The following TBC1D30 variants were observed in gnomAD, a reference collection of about 807,000 sequenced individuals.
TBC1D30 encodes TBC1 domain family, member 30.
Under a neutral mutation model 63.2 loss-of-function variants are expected in TBC1D30, and 31 were observed. That is an observed-to-expected ratio of 0.49 (90% CI 0.37 to 0.66). The LOEUF is 0.66. TBC1D30 is among the 30% of genes least tolerant of loss of function. The pLI is 0.00. For synonymous variants in TBC1D30, 307 were observed against 361.5 expected (o/e 0.85, Z 1.71); for missense variants, 810 against 953.6 (o/e 0.85, Z 1.98).
At chr12:64,763,824 C>G (rs1051297058) in intron 1 of TBC1D30, among the ~76,000 whole-genome samples, 1 of 151,984 alleles carries the variant, frequency 6.6e-6, no homozygotes, top group African/African-American at 2.4e-5. Flanking sequence ...GGTCTGGTCT[C>G]GAACTCCTGA....
intron 1 of TBC1D30, among the ~76,000 whole-genome samples, chr12:64,764,346 T>A (rs527404866): frequency 6.6e-6 from 1 of 152,238 alleles, no homozygotes; most frequent in South Asian, 2.1e-4. Context: ...AATTCAGCTA[T>A]TAGTTGAAAA....
chr12:64,761,166 T>C (rs1213256371), intron 1 of TBC1D30, among the ~76,000 whole-genome samples: 2 of 152,250 alleles, frequency 1.3e-5, no homozygotes, highest in Non-Finnish European at 2.9e-5. Context: ...TCCTTCTGTA[T>C]TCAGGTTTCA....
At position 64,865,102 on chromosome 12, in the gene TBC1D30, G is replaced by A. The variant is rs17100734; in HGVS notation, c.1151+322G>A. Among the ~76,000 whole-genome samples the A allele has an allele frequency of 9.5e-3, 1,445 of 151,732 alleles. 18 individuals carry two copies. The highest frequency in any genetic ancestry group is 0.015 in the Admixed American group (231 of 15,192). On this transcript the variant is annotated intron_variant, in intron 9 of 11. Coordinates refer to ENST00000539867, the MANE Select transcript of TBC1D30 (RefSeq NM_015279.2). ...ACACAGATGAGCTAATTTAAAAACTGTGAAGACCAAAAATTGACAATTGAT... is the reference window on the plus strand; with the variant it reads ...ACACAGATGAGCTAATTTAAAAACTATGAAGACCAAAAATTGACAATTGAT...
At chr12:64,874,640 A>T (rs948706730) in intron 11 of TBC1D30, among the ~76,000 whole-genome samples, 63 of 151,962 alleles carry the variant, frequency 4.1e-4, no homozygotes, top group Middle Eastern at 3.4e-3. Flanking sequence ...TATTTTTTTT[A>T]AATCTGCAAA....
At chr12:64,772,461 A>G (rs1169259124) in intron 1 of TBC1D30, among the ~76,000 whole-genome samples, 2 of 151,554 alleles carry the variant, frequency 1.3e-5, no homozygotes, top group Admixed American at 1.3e-4. Context: ...ACAGAGTCTC[A>G]CTCTGTCGCC....
intron 2 of TBC1D30, among the ~76,000 whole-genome samples, chr12:64,794,392 G>T (rs568052911): frequency 1.3e-5 from 2 of 151,762 alleles, no homozygotes; most frequent in South Asian, 4.2e-4. Flanking sequence ...TCCTCTTTCT[G>T]GGGTTCTATT....
At position 64,824,987 on chromosome 12, in the gene TBC1D30, C is replaced by G. The variant is rs1874180335; in HGVS notation, c.108C>G (p.Ser36Arg). 6.5e-7 allele frequency: 1 copy of G among 1,534,428 alleles called. No homozygotes were observed. The highest frequency in any genetic ancestry group is 8.7e-7 in the Non-Finnish European group (1 of 1,146,516). Residue 36 changes from serine to arginine, a missense_variant, in exon 1 of 12, where the codon AGC becomes AGG. Ser to Arg is a moderately radical substitution (Grantham distance 110). This residue lies in a region of TBC1D30 where 272 missense variants were observed against 335.9 expected (regional missense o/e 0.81). Coordinates refer to ENST00000539867, the MANE Select transcript of TBC1D30 (RefSeq NM_015279.2). ...TGAGCAATGTGCTCAAGAAGCGCAG[C>G]TGCATTTCCCGGACCGCGCCCCGGC... ...TILSNVLKKRSCISRTAPRLL... is the reference protein window; with the variant it reads ...TILSNVLKKRRCISRTAPRLL...
At chr12:64,842,720 C>T (rs996933103) in intron 7 of TBC1D30, among the ~76,000 whole-genome samples, 1 of 152,130 alleles carries the variant, frequency 6.6e-6, no homozygotes, top group Non-Finnish European at 1.5e-5. Context: ...CCAACAGAGT[C>T]CCTTAAAGGA....
chr12:64,762,803 C>G (rs1022740472), intron 1 of TBC1D30, among the ~76,000 whole-genome samples: 1 of 151,736 alleles, frequency 6.6e-6, no homozygotes, highest in Non-Finnish European at 1.5e-5. Context: ...TTAGTTTTTT[C>G]TCTAGTGTGT....
chr12:64,811,815 G>C (rs1682676238), intron 2 of TBC1D30, among the ~76,000 whole-genome samples: 1 of 152,148 alleles, frequency 6.6e-6, no homozygotes, highest in African/African-American at 2.4e-5. Context: ...AAGAGTTTTT[G>C]GAAATGATGG....
rs538593538 is a variant in TBC1D30 at position 64,848,387 on chromosome 12, C to T, written c.1038+4902C>T. ...TTTGTGGCCCCCATCAACCTGTCAT[C>T]GATGTTAGGTATTTCTCCTAATGCT... On this transcript the variant is annotated intron_variant, in intron 8 of 11. Coordinates refer to ENST00000539867, the MANE Select transcript of TBC1D30 (RefSeq NM_015279.2). Among the ~76,000 whole-genome samples, 16 of 151,876 alleles carry T rather than the reference C, an allele frequency of 1.1e-4. 1 individual carries two copies. Among genetic ancestry groups the T allele is most frequent in the African/African-American group, 2.9e-4 (12 of 41,434 alleles).
intron 2 of TBC1D30, among the ~76,000 whole-genome samples, chr12:64,796,363 A>G (rs1201270485): frequency 2.0e-5 from 3 of 152,124 alleles, no homozygotes; most frequent in Admixed American, 1.3e-4. Flanking sequence ...TTAGTGACTC[A>G]GGAGTTTTTT....
rs1014798927 is a variant in TBC1D30, at chr12:64,876,077, A to G, written c.*289A>G. ...CATTGTGAGCTGTTTAAAAAAGACT[A>G]TATCTAGATTGTTAACTCTCGTCCA... On this transcript the variant is annotated 3_prime_UTR_variant, in exon 12 of 12. Coordinates refer to ENST00000539867, the MANE Select transcript of TBC1D30 (RefSeq NM_015279.2). The G allele has an allele frequency of 3.0e-5, 10 of 333,214 alleles. No individual in the cohort carries two copies. Among genetic ancestry groups the G allele is most frequent in the South Asian group, 1.1e-4 (2 of 17,856 alleles). 20.6% of individuals were successfully genotyped at this position (333,214 alleles called of 1,614,324 possible).
chr12:64,850,640 G>A (rs904940057), intron 8 of TBC1D30, among the ~76,000 whole-genome samples: 2 of 152,118 alleles, frequency 1.3e-5, no homozygotes, highest in African/African-American at 4.8e-5. Context: ...GACTGTGGTG[G>A]GTAAGCTTTT....
chr12:64,803,225 A>G (rs1423978617), intron 2 of TBC1D30, among the ~76,000 whole-genome samples: 5 of 152,098 alleles, frequency 3.3e-5, no homozygotes, highest in Non-Finnish European at 7.3e-5. Flanking sequence ...TGTGGTTTTG[A>G]CTTGCATTTC....
intron 1 of TBC1D30, among the ~76,000 whole-genome samples, chr12:64,767,042 CAT>C (rs995985531): frequency 6.6e-6 from 1 of 151,956 alleles, no homozygotes; most frequent in Non-Finnish European, 1.5e-5. Flanking sequence ...ATACAACTAA[CAT>C]AGAGCTTGAA....
chr12:64,842,638 T>C (rs1320836221), intron 7 of TBC1D30, among the ~76,000 whole-genome samples: 1 of 152,248 alleles, frequency 6.6e-6, no homozygotes, highest in Non-Finnish European at 1.5e-5. Flanking sequence ...CTTGTAATTG[T>C]CATCTTTTAT....
Position 64,804,869 on chromosome 12 carries a change from G to A in TBC1D30, c.643+18824G>A, listed in dbSNP as rs967758548. Among the ~76,000 whole-genome samples the A allele has an allele frequency of 7.9e-5, 12 of 152,242 alleles. No homozygotes were observed. The Middle Eastern group carries it at 0.01, about 129-fold the overall frequency. On this transcript the variant is annotated intron_variant, in intron 2 of 12. Transcript: ENST00000542120. ...CTGTGATGTGGGGAGGTTTGTAGTC[G>A]TCAGGTGTTGGATGATGATTCTAAG...
At chr12:64,786,892 G>A (rs1332719429) in intron 2 of TBC1D30, among the ~76,000 whole-genome samples, 2 of 151,608 alleles carry the variant, frequency 1.3e-5, no homozygotes, top group Non-Finnish European at 2.9e-5. Context: ...GCAGTGAACC[G>A]AGATCGCACC....
Sources: gnomAD v4.1 joint callset for allele counts (sites outside exome capture counted in the v4.1 genomes callset) on GRCh38, gnomAD v4.1.1 for gene constraint, gnomAD v4.1.1 regional missense constraint, MANE v1.5 for transcripts, NCBI Gene and HGNC (gene_info 2026-07-23, HGNC 2026-07-21) for gene names.